The following CCDC148 variants were observed in gnomAD, a reference collection of about 807,000 sequenced individuals.
The protein encoded by CCDC148 is coiled-coil domain containing 148, also known as coiled-coil domain-containing protein 148.
Under a neutral mutation model 85.7 loss-of-function variants are expected in CCDC148, and 89 were observed. The observed-to-expected ratio is 1.04, with a 90% CI of 0.87 to 1.24. The LOEUF (loss-of-function observed/expected upper bound fraction) is 1.24, where lower values mean the gene tolerates loss of function less well. CCDC148 is among the 50% of genes most tolerant of loss of function. The pLI is 0.00. For missense variants in CCDC148, 692 were observed against 671.7 expected (o/e 1.03, Z -0.33); for synonymous variants, 230 against 213.9 (o/e 1.08, Z -0.66).
intron 1 of CCDC148, among the ~76,000 whole-genome samples, chr2:158,434,004 A>C (rs1214164098): frequency 1.3e-5 from 2 of 152,230 alleles, no homozygotes; most frequent in African/African-American, 4.8e-5. Context: ...ACCGCAGATC[A>C]AGGAGGCCTG....
In CCDC148 at chr2:158,389,109, C is replaced by T. The variant is rs148334006; in HGVS notation, c.26-30539G>A. Reference sequence around the variant, plus strand: ...ATATTGTATGGATGGATTTAAACTACACATACTCTTCCTTAAAAATTACGT... The same window carrying T: ...ATATTGTATGGATGGATTTAAACTATACATACTCTTCCTTAAAAATTACGT... On this transcript the variant is annotated intron_variant, in intron 1 of 13. Coordinates refer to ENST00000283233, the MANE Select transcript of CCDC148 (RefSeq NM_138803.4). 9.6e-3 allele frequency among the ~76,000 whole-genome samples: 1,457 copies of T among 152,252 alleles called. 19 individuals carry two copies. Among genetic ancestry groups the T allele is most frequent in the African/African-American group, 0.032 (1,350 of 41,556 alleles).
intron 1 of CCDC148, among the ~76,000 whole-genome samples, chr2:158,408,813 T>C (rs899603754): frequency 1.3e-5 from 2 of 152,074 alleles, no homozygotes; most frequent in Non-Finnish European, 2.9e-5. Context: ...CCACCAATAA[T>C]GTCCAGGGTT....
chr2:158,397,280 C>T (rs1333000735), intron 1 of CCDC148, among the ~76,000 whole-genome samples: 1 of 152,080 alleles, frequency 6.6e-6, no homozygotes, highest in Non-Finnish European at 1.5e-5. Context: ...ACAGAGAACA[C>T]TACAAAGATA....
At chr2:158,436,102 G>A (rs1001619186) in intron 1 of CCDC148, among the ~76,000 whole-genome samples, 2 of 152,172 alleles carry the variant, frequency 1.3e-5, no homozygotes, top group Non-Finnish European at 2.9e-5. Context: ...CCCAGGAATT[G>A]AACTCAACTC....
Position 158,180,487 on chromosome 2 carries a change from G to A in CCDC148, c.1371-1491C>T, listed in dbSNP as rs186337881. ...TGGCTAAACTTAGCAAGAGCTTCACGGAGGAGGCAGTATCTGAGCAGGGTC... is the reference window on the plus strand; with the variant it reads ...TGGCTAAACTTAGCAAGAGCTTCACAGAGGAGGCAGTATCTGAGCAGGGTC... On this transcript the variant is annotated intron_variant, in intron 11 of 13. Transcript: ENST00000283233. 4.6e-5 allele frequency among the ~76,000 whole-genome samples: 7 copies of A among 152,258 alleles called. No individual in the cohort carries two copies. The East Asian group carries it at 1.2e-3, about 25-fold the overall frequency.
intron 2 of CCDC148, among the ~76,000 whole-genome samples, chr2:158,345,606 T>G (rs531644436): frequency 6.6e-6 from 1 of 152,324 alleles, no homozygotes; most frequent in African/African-American, 2.4e-5. Context: ...GATAATACCT[T>G]AATTCATATA....
At chr2:158,447,815 G>C (rs1474272758) in intron 1 of CCDC148, among the ~76,000 whole-genome samples, 1 of 151,954 alleles carries the variant, frequency 6.6e-6, no homozygotes, top group Non-Finnish European at 1.5e-5. Flanking sequence ...ATTTGACCTA[G>C]GAATTTTTTC....
intron 9 of CCDC148, among the ~76,000 whole-genome samples, chr2:158,289,083 C>G (rs538103706): frequency 9.8e-4 from 149 of 152,306 alleles, no homozygotes; most frequent in South Asian, 3.9e-3. Context: ...TCCCACAACA[C>G]GTGGGAATTC....
chr2:158,297,296 C>G (rs183832283), intron 9 of CCDC148, among the ~76,000 whole-genome samples: 6 of 152,146 alleles, frequency 3.9e-5, no homozygotes, highest in African/African-American at 1.4e-4. Flanking sequence ...GCAAATACCC[C>G]CTAAATGACG....
chr2:158,235,083 T>A (rs1204616708), intron 10 of CCDC148, among the ~76,000 whole-genome samples: 1 of 152,140 alleles, frequency 6.6e-6, no homozygotes, highest in African/African-American at 2.4e-5. Flanking sequence ...ATGAAACAAG[T>A]TTACCTACGT....
chr2:158,191,343 G>A (rs904548436), intron 11 of CCDC148, among the ~76,000 whole-genome samples: 4 of 151,982 alleles, frequency 2.6e-5, no homozygotes, highest in South Asian at 2.1e-4. Flanking sequence ...TTTTTGTAGT[G>A]ATTCAGCCGC....
Position 158,240,192 on chromosome 2 carries a change from T to C in CCDC148, c.1251+10580A>G, listed in dbSNP as rs570974710. Among the ~76,000 whole-genome samples the C allele has an allele frequency of 2.0e-5, 3 of 151,732 alleles. No homozygotes were observed. The South Asian group carries it at 6.3e-4, about 32-fold the overall frequency. On this transcript the variant is annotated intron_variant, in intron 10 of 13. Coordinates refer to ENST00000283233, the MANE Select transcript of CCDC148 (RefSeq NM_138803.4). The stretch of plus-strand genomic sequence containing the variant: ...TGGTGTTCAGAGTGGTTCAAAGACA[T>C]GTTTCCAGGGTCTAAGAAGTCTATG...
rs1264080000 is a variant in CCDC148, at chr2:158,171,932, G to C, written c.*181C>G. 2.1e-6 allele frequency: 1 copy of C among 484,050 alleles called. No homozygotes were observed. The highest frequency in any genetic ancestry group is 2.0e-5 in the African/African-American group (1 of 49,166). 30.0% of individuals were successfully genotyped at this position (484,050 alleles called of 1,614,324 possible). ...TTAGTACTATTAAATATAACTTAAA[G>C]ATACAGGAAATATAGTGCATAAAAT... On this transcript the variant is annotated 3_prime_UTR_variant, in exon 14 of 14. Coordinates refer to ENST00000283233, the MANE Select transcript of CCDC148 (RefSeq NM_138803.4).
chr2:158,334,186 G>A (rs1039265883), intron 7 of CCDC148, among the ~76,000 whole-genome samples: 4 of 152,100 alleles, frequency 2.6e-5, no homozygotes, highest in African/African-American at 9.7e-5. Flanking sequence ...TGAGCCTCTA[G>A]CAGTTTATGA....
intron 11 of CCDC148, among the ~76,000 whole-genome samples, chr2:158,212,373 C>T (rs1686625248): frequency 1.3e-5 from 2 of 152,222 alleles, no homozygotes; most frequent in Admixed American, 6.5e-5. Flanking sequence ...TGTGAACCCA[C>T]TTTAAATTTC....
At chr2:158,357,602 T>C (rs1683728656) in intron 2 of CCDC148, among the ~76,000 whole-genome samples, 1 of 152,214 alleles carries the variant, frequency 6.6e-6, no homozygotes, top group African/African-American at 2.4e-5. Context: ...CATTAACTTA[T>C]TTTAAAGTTA....
At chr2:158,401,582 T>C (rs114238770) in intron 1 of CCDC148, among the ~76,000 whole-genome samples, 11,483 of 151,980 alleles carry the variant, frequency 0.076, 574 homozygotes, top group Middle Eastern at 0.11. Flanking sequence ...TAGGAGAAAA[T>C]ACCTAATGTA....
chr2:158,440,620 A>G (rs1687892437), intron 1 of CCDC148, among the ~76,000 whole-genome samples: 1 of 152,224 alleles, frequency 6.6e-6, no homozygotes, highest in African/African-American at 2.4e-5. Flanking sequence ...TAAAAGATTA[A>G]CAAAATAACC....
intron 9 of CCDC148, among the ~76,000 whole-genome samples, chr2:158,285,246 C>T (rs1690562756): frequency 6.7e-6 from 1 of 149,792 alleles, no homozygotes; most frequent in Non-Finnish European, 1.5e-5. Context: ...TGAGATCATG[C>T]CATTGCACTC....
Sources: allele counts gnomAD v4.1 joint callset (sites outside exome capture counted in the v4.1 genomes callset), GRCh38; gene constraint gnomAD v4.1.1; transcripts MANE v1.5; gene names NCBI Gene and HGNC (gene_info 2026-07-23, HGNC 2026-07-21).